The following LRRTM4 variants were observed in gnomAD, a reference collection of about 807,000 sequenced individuals.
LRRTM4 encodes leucine rich repeat transmembrane neuronal 4, also known as leucine-rich repeat transmembrane neuronal protein 4.
In LRRTM4, 25 loss-of-function variants were observed where a neutral mutation model predicts 47.6. The observed-to-expected ratio is 0.53, with a 90% CI of 0.38 to 0.73. The LOEUF (loss-of-function observed/expected upper bound fraction) is 0.73, where lower values mean the gene tolerates loss of function less well. Among genes scored for constraint, LRRTM4 ranks in the 30% least tolerant of loss-of-function variants. The pLI, the probability that LRRTM4 is intolerant of heterozygous loss-of-function variation, is 0.00. For missense variants in LRRTM4, 638 were observed against 713.4 expected (o/e 0.89, Z 1.20); for synonymous variants, 311 against 269.5 (o/e 1.15, Z -1.51).
At chr2:76,999,874 T>G (rs1677350564) in intron 3 of LRRTM4, among the ~76,000 whole-genome samples, 1 of 152,170 alleles carries the variant, frequency 6.6e-6, no homozygotes, top group African/African-American at 2.4e-5. Flanking sequence ...CACACCATTT[T>G]TAGGTGGTTT....
chr2:77,002,119 T>C (rs913982068), intron 3 of LRRTM4, among the ~76,000 whole-genome samples: 2 of 152,190 alleles, frequency 1.3e-5, no homozygotes, highest in African/African-American at 4.8e-5. Flanking sequence ...TCACACTCTG[T>C]ATTATTCTCA....
intron 3 of LRRTM4, among the ~76,000 whole-genome samples, chr2:76,960,329 A>G (rs1489746449): frequency 2.0e-5 from 3 of 151,744 alleles, no homozygotes; most frequent in Non-Finnish European, 4.4e-5. Context: ...GTGGAATTAC[A>G]TGCATTTTTT....
intron 3 of LRRTM4, among the ~76,000 whole-genome samples, chr2:76,977,042 T>C (rs973154914): frequency 2.6e-5 from 4 of 151,730 alleles, no homozygotes; most frequent in Non-Finnish European, 5.9e-5. Flanking sequence ...CATGTGTCAG[T>C]GTACGTGTAT....
chr2:76,936,954 C>CCAA lies in LRRTM4; in HGVS notation c.1552-188039_1552-188038insTTG, dbSNP rs1674972645. 2.6e-4 allele frequency among the ~76,000 whole-genome samples: 6 copies of CCAA among 22,692 alleles called. No individual in the cohort carries two copies. In the Admixed American group the frequency reaches 4.1e-3, roughly 16 times the overall value. The allele number at this position is 22,692 out of a possible 152,430, so 14.9% of individuals were successfully genotyped here. A position where few individuals can be genotyped will look rare whatever the true frequency, so the allele number is the denominator to read the frequency against. Reference sequence around the variant, plus strand: ...TGGGCGACAGAGCAAGACTCCATCTCAAAAAAAAAAAAAAAAAAAAAAAAA... The same window carrying CCAA: ...TGGGCGACAGAGCAAGACTCCATCTCCAAAAAAAAAAAAAAAAAAAAAAAAAAA... On this transcript the variant is annotated intron_variant, in intron 3 of 3. Coordinates refer to ENST00000409884, the MANE Select transcript of LRRTM4 (RefSeq NM_001134745.3).
intron 3 of LRRTM4, among the ~76,000 whole-genome samples, chr2:77,431,365 T>A (rs983954349): frequency 8.1e-5 from 12 of 148,958 alleles, no homozygotes; most frequent in Non-Finnish European, 1.8e-4. Flanking sequence ...ATCCCATTTA[T>A]GAGGGCTATG....
intron 3 of LRRTM4, among the ~76,000 whole-genome samples, chr2:76,820,514 T>A (rs1671023561): frequency 6.6e-6 from 1 of 151,808 alleles, no homozygotes; most frequent in Non-Finnish European, 1.5e-5. Flanking sequence ...TTGGTCATAA[T>A]TTCTGAGAGC....
At chr2:77,262,986 A>G (rs1163165271) in intron 3 of LRRTM4, among the ~76,000 whole-genome samples, 1 of 152,044 alleles carries the variant, frequency 6.6e-6, no homozygotes. Context: ...TTGCCAAGGG[A>G]ACGAATCTTA....
chr2:76,882,304 C>T (rs1026707878), intron 3 of LRRTM4, among the ~76,000 whole-genome samples: 1 of 151,832 alleles, frequency 6.6e-6, no homozygotes, highest in African/African-American at 2.4e-5. Flanking sequence ...TTAACTTTTA[C>T]TGAAACATTA....
intron 3 of LRRTM4, among the ~76,000 whole-genome samples, chr2:77,238,833 ACC>A (rs1573122991): frequency 2.0e-5 from 3 of 152,146 alleles, no homozygotes; most frequent in South Asian, 4.1e-4. Context: ...AAAATGTCAA[ACC>A]AGGGTACTAT....
At chr2:77,194,288 C>G (rs1230821164) in intron 3 of LRRTM4, among the ~76,000 whole-genome samples, 1 of 152,148 alleles carries the variant, frequency 6.6e-6, no homozygotes, top group Non-Finnish European at 1.5e-5. Context: ...ATCTTCACAA[C>G]TCTTATGTGA....
chr2:77,352,043 G>A (rs1331368320), intron 3 of LRRTM4, among the ~76,000 whole-genome samples: 1 of 152,058 alleles, frequency 6.6e-6, no homozygotes, highest in Admixed American at 6.6e-5. Context: ...TAAAGGTCAA[G>A]CTGCATAAAG....
intron 3 of LRRTM4, among the ~76,000 whole-genome samples, chr2:77,267,700 A>AT (rs11389853): frequency 0.91 from 138,070 of 151,216 alleles, 63,202 homozygotes; most frequent in East Asian, 0.99. Flanking sequence ...CTTCCAGAAT[A>AT]TTTTTTTTTG....
chr2:76,764,447 C>T (rs1439420197), intron 3 of LRRTM4, among the ~76,000 whole-genome samples: 6 of 152,010 alleles, frequency 3.9e-5, no homozygotes, highest in South Asian at 2.1e-4. Context: ...CTGGCTAACA[C>T]GGTGAAACCC....
chr2:77,519,963 TG>T lies in LRRTM4; in HGVS notation c.5-100del. 4.9e-6 allele frequency: 7 copies of T among 1,441,604 alleles called. No homozygotes were observed. The highest frequency in any genetic ancestry group is 6.4e-6 in the Non-Finnish European group (7 of 1,098,748). The allele number at this position is 1,441,604 out of a possible 1,614,324, so 89.3% of individuals were successfully genotyped here. ...AGGGGCATTTCCTCTAGTGTAGGAA[TG>T]GGACAGTTGATTTAAGGAAAATGCA... On this transcript the variant is annotated intron_variant, in intron 2 of 3. Transcript: ENST00000409884. This position sits in a 1 kb window ranked among gnomAD's most constrained non-coding sequence, Gnocchi z 4.6.
intron 3 of LRRTM4, among the ~76,000 whole-genome samples, chr2:77,365,194 A>C (rs748544875): frequency 2.0e-5 from 3 of 152,036 alleles, no homozygotes; most frequent in Non-Finnish European, 4.4e-5. Context: ...GTGGAACAAC[A>C]TTTACCCAGA....
Position 77,518,836 on chromosome 2 carries a change from T to C in LRRTM4, c.1033A>G (p.Ile345Val), listed in dbSNP as rs367742060. The change falls in exon 3 of 4, where the codon ATC (isoleucine) becomes GTC (valine). Residue 345 changes from isoleucine (I) to valine (V), a missense_variant. Ile to Val is a conservative substitution (Grantham distance 29). Coordinates refer to ENST00000409884, the MANE Select transcript of LRRTM4 (RefSeq NM_001134745.3). ...STMICAGPKH[I>V]QGEKVSDAVE... ...GCATCACTAACCTTTTCACCCTGGA[T>C]GTGCTTAGGTCCCGCACATATCATG... The C allele has an allele frequency of 7.5e-6, 12 of 1,609,794 alleles. No homozygotes were observed. Among genetic ancestry groups the C allele is most frequent in the Non-Finnish European group, 1.0e-5 (12 of 1,177,790 alleles).
At chr2:77,206,827 A>G (rs1219637457) in intron 3 of LRRTM4, among the ~76,000 whole-genome samples, 3 of 152,048 alleles carry the variant, frequency 2.0e-5, no homozygotes. Flanking sequence ...ATTCTCCAAA[A>G]TCCTCTAAAT....
At chr2:77,043,343 T>C (rs961582042) in intron 3 of LRRTM4, among the ~76,000 whole-genome samples, 12 of 151,740 alleles carry the variant, frequency 7.9e-5, no homozygotes, top group Admixed American at 1.3e-4. Flanking sequence ...GTGTTGTCCA[T>C]AGGAGAATAG....
At chr2:77,145,143 TACC>T (rs1444558463) in intron 3 of LRRTM4, among the ~76,000 whole-genome samples, 1 of 151,806 alleles carries the variant, frequency 6.6e-6, no homozygotes, top group African/African-American at 2.4e-5. Context: ...CTAAAATAGA[TACC>T]ACATTTATAC....
Sources: gnomAD v4.1 joint callset for allele counts (sites outside exome capture counted in the v4.1 genomes callset) on GRCh38, gnomAD v4.1.1 for gene constraint, Gnocchi (gnomAD v3.1) non-coding constraint, MANE v1.5 for transcripts, NCBI Gene and HGNC (gene_info 2026-07-23, HGNC 2026-07-21) for gene names.